The following SNTG1 variants were observed in gnomAD, a reference collection of about 807,000 sequenced individuals.
SNTG1 encodes gamma-1-syntrophin.
SNTG1 carries 39 observed loss-of-function variants against 74.7 expected under a neutral mutation model. The ratio of observed to expected loss-of-function variants is 0.52; its 90% confidence interval spans 0.40 to 0.68. SNTG1 has a LOEUF of 0.68. Ranked by LOEUF, SNTG1 falls within the 30% of genes least tolerant of loss-of-function variation. The pLI, the probability that SNTG1 is intolerant of heterozygous loss-of-function variation, is 0.00. For missense variants in SNTG1, 685 were observed against 609.5 expected (o/e 1.12, Z -1.30); for synonymous variants, 254 against 217.1 (o/e 1.17, Z -1.49).
At chr8:50,597,004 G>A (rs1413637193) in intron 13 of SNTG1, among the ~76,000 whole-genome samples, 1 of 151,874 alleles carries the variant, frequency 6.6e-6, no homozygotes, top group African/African-American at 2.4e-5. Flanking sequence ...TAGAACATCA[G>A]AACTTACTCT....
At chr8:50,608,923 T>C (rs1343880550) in intron 13 of SNTG1, among the ~76,000 whole-genome samples, 1 of 152,000 alleles carries the variant, frequency 6.6e-6, no homozygotes, top group African/African-American at 2.4e-5. Flanking sequence ...TAAGTGATCA[T>C]AATCCACTTC....
intron 2 of SNTG1, among the ~76,000 whole-genome samples, chr8:50,380,743 A>G (rs1237044813): frequency 1.3e-5 from 2 of 152,174 alleles, no homozygotes; most frequent in South Asian, 2.1e-4. Context: ...GTCTCATTTT[A>G]TTTTCCAGGT....
At chr8:50,380,830 A>T (rs946028185) in intron 2 of SNTG1, among the ~76,000 whole-genome samples, 1 of 152,142 alleles carries the variant, frequency 6.6e-6, no homozygotes, top group Non-Finnish European at 1.5e-5. Context: ...AATTCTTTTT[A>T]ATTTCTGAGT....
At chr8:50,424,304 A>G (rs1271910645) in intron 4 of SNTG1, among the ~76,000 whole-genome samples, 2 of 152,278 alleles carry the variant, frequency 1.3e-5, no homozygotes, top group Non-Finnish European at 2.9e-5. Flanking sequence ...CAGACAAAAC[A>G]AACAAACAAA....
chr8:50,682,188 AG>A (rs1431730618), intron 15 of SNTG1, among the ~76,000 whole-genome samples: 6 of 152,134 alleles, frequency 3.9e-5, no homozygotes. Context: ...ATGGACAGGG[AG>A]GGTAAGGGGT....
intron 17 of SNTG1, among the ~76,000 whole-genome samples, chr8:50,716,260 C>T (rs2095474733): frequency 2.6e-5 from 4 of 151,888 alleles, no homozygotes. Context: ...ACATCAAAGA[C>T]AGTTACTAAA....
At chr8:49,984,934 GTA>G (rs992860009) in intron 1 of SNTG1, among the ~76,000 whole-genome samples, 1 of 151,824 alleles carries the variant, frequency 6.6e-6, no homozygotes. Flanking sequence ...TTCTGTTGGA[GTA>G]TGTTTTTTTT....
chr8:50,603,711 T>C lies in SNTG1; in HGVS notation c.849+12794T>C, dbSNP rs147989952. Reference sequence around the variant, plus strand: ...TGGACCCCAAGACCAATAACAGTGATTCTTGCAGACTCATAGGTGTGCTGA... The same window carrying C: ...TGGACCCCAAGACCAATAACAGTGACTCTTGCAGACTCATAGGTGTGCTGA... On this transcript the variant is annotated intron_variant, in intron 13 of 18. Coordinates refer to ENST00000642720, the MANE Select transcript of SNTG1 (RefSeq NM_018967.5). 3.1e-3 allele frequency among the ~76,000 whole-genome samples: 477 copies of C among 152,294 alleles called. 3 individuals carry two copies. Among genetic ancestry groups the C allele is most frequent in the Admixed American group, 5.5e-3 (84 of 15,298 alleles).
intron 1 of SNTG1, among the ~76,000 whole-genome samples, chr8:50,112,940 C>T (rs371657825): frequency 9.2e-5 from 14 of 152,028 alleles, no homozygotes; most frequent in African/African-American, 3.4e-4. Flanking sequence ...CTATTCTGTT[C>T]CATTGGTCTA....
At chr8:50,663,468 G>A (rs982441451) in intron 15 of SNTG1, among the ~76,000 whole-genome samples, 1 of 152,084 alleles carries the variant, frequency 6.6e-6, no homozygotes, top group Non-Finnish European at 1.5e-5. Flanking sequence ...CGGGCTAGGA[G>A]GAGAGAGGCA....
At chr8:50,052,486 A>C (rs1031332313) in intron 1 of SNTG1, among the ~76,000 whole-genome samples, 1 of 152,154 alleles carries the variant, frequency 6.6e-6, no homozygotes, top group African/African-American at 2.4e-5. Flanking sequence ...GGAAAATGTA[A>C]GAATAAATTC....
intron 12 of SNTG1, among the ~76,000 whole-genome samples, chr8:50,572,275 TAG>T (rs71235308): frequency 2.6e-4 from 39 of 148,316 alleles, no homozygotes; most frequent in African/African-American, 5.8e-4. Flanking sequence ...TATATATATA[TAG>T]AGAGAGAGAG....
intron 8 of SNTG1, among the ~76,000 whole-genome samples, chr8:50,473,910 G>C (rs192455482): frequency 1.3e-5 from 2 of 152,156 alleles, no homozygotes; most frequent in East Asian, 3.9e-4. Flanking sequence ...CCAGAGCCTG[G>C]GGGAAGAAGG....
intron 2 of SNTG1, among the ~76,000 whole-genome samples, chr8:50,332,046 G>A (rs1218592284): frequency 6.6e-6 from 1 of 152,198 alleles, no homozygotes; most frequent in Non-Finnish European, 1.5e-5. Flanking sequence ...ATGCTGTTAA[G>A]TAGTTGCAGA....
At chr8:50,418,948 G>C (rs1376308652) in intron 4 of SNTG1, among the ~76,000 whole-genome samples, 1 of 152,076 alleles carries the variant, frequency 6.6e-6, no homozygotes, top group African/African-American at 2.4e-5. Flanking sequence ...GGAAAGTAGG[G>C]ATAGAACTGT....
intron 1 of SNTG1, among the ~76,000 whole-genome samples, chr8:49,922,780 C>T (rs1047252193): frequency 6.6e-6 from 1 of 151,994 alleles, no homozygotes; most frequent in Non-Finnish European, 1.5e-5. Context: ...TTTATTTTTT[C>T]ATGTACTGAC....
chr8:50,729,978 C>A (rs1255890258), intron 17 of SNTG1, among the ~76,000 whole-genome samples: 1 of 152,042 alleles, frequency 6.6e-6, no homozygotes, highest in African/African-American at 2.4e-5. Context: ...TAACCCTGAC[C>A]TGGAGGGAGC....
upstream of SNTG1, among the ~76,000 whole-genome samples, chr8:49,910,638 G>C (rs537770742): frequency 3.3e-5 from 5 of 152,114 alleles, no homozygotes; most frequent in African/African-American, 9.7e-5. Flanking sequence ...CTTTATGCTC[G>C]TTGTCAGCCA....
rs1232148209 is a variant in SNTG1, at chr8:50,075,982, C to T, written c.-102-96579C>T. On this transcript the variant is annotated intron_variant, in intron 1 of 18. Transcript: ENST00000642720. The stretch of plus-strand genomic sequence containing the variant: ...GGGTCTGCAGCTTCATTCTTGAAGT[C>T]AGTGAGACCAAGAAACCACCCCTTC... 2.6e-5 allele frequency among the ~76,000 whole-genome samples: 4 copies of T among 152,304 alleles called. No individual in the cohort carries two copies. The East Asian group carries it at 7.7e-4, about 29-fold the overall frequency.
Sources: allele counts gnomAD v4.1 joint callset (sites outside exome capture counted in the v4.1 genomes callset), GRCh38; gene constraint gnomAD v4.1.1; transcripts MANE v1.5; gene names NCBI Gene and HGNC (gene_info 2026-07-23, HGNC 2026-07-21).